The following RAB2A variants were observed in gnomAD, a reference collection of about 807,000 sequenced individuals.
RAB2A encodes ras-related protein Rab-2A.
Under a neutral mutation model 32.5 loss-of-function variants are expected in RAB2A, and 7 were observed. That is an observed-to-expected ratio of 0.22 (90% CI 0.12 to 0.40). RAB2A has a LOEUF of 0.40. Among genes scored for constraint, RAB2A ranks in the 10% least tolerant of loss-of-function variants. The pLI, the probability that RAB2A is intolerant of heterozygous loss-of-function variation, is 1.00. For synonymous variants in RAB2A, 79 were observed against 85.2 expected (o/e 0.93, Z 0.40); for missense variants, 108 against 260.7 (o/e 0.41, Z 4.03).
chr8:60,570,096 A>C (rs1808175648), intron 2 of RAB2A: 1 of 451,848 alleles, frequency 2.2e-6, no homozygotes. Flanking sequence ...TCAAGATATC[A>C]ATTCCAGAGA....
intron 6 of RAB2A, among the ~76,000 whole-genome samples, chr8:60,607,904 T>A (rs925862644): frequency 1.3e-5 from 2 of 152,216 alleles, no homozygotes; most frequent in African/African-American, 4.8e-5. Context: ...TCCCAGCATG[T>A]AATTAAGTTT....
intron 1 of RAB2A, among the ~76,000 whole-genome samples, chr8:60,523,163 C>CTTTT (rs71557794): frequency 1.4e-5 from 2 of 145,748 alleles, no homozygotes. Context: ...CATTCTTTTT[C>CTTTT]TTTTTTTTTT....
chr8:60,590,285 T>A (rs1473219149), intron 5 of RAB2A, among the ~76,000 whole-genome samples: 1 of 151,672 alleles, frequency 6.6e-6, no homozygotes, highest in Non-Finnish European at 1.5e-5. Flanking sequence ...TAAAAAAAAA[T>A]TCTGATTATT....
intron 2 of RAB2A, among the ~76,000 whole-genome samples, chr8:60,560,828 C>A (rs1185699998): frequency 1.3e-5 from 2 of 151,620 alleles, no homozygotes; most frequent in African/African-American, 4.8e-5. Flanking sequence ...CCAGTGTTGC[C>A]CAGAGAAGCC....
At chr8:60,570,200 G>GT (rs1297487789) in intron 2 of RAB2A, 5 of 299,542 alleles carry the variant, frequency 1.7e-5, no homozygotes, top group African/African-American at 4.5e-5. Flanking sequence ...GTTTGTAGTT[G>GT]TTTTTTGTTA....
At chr8:60,580,196 C>T (rs1803719453) in intron 3 of RAB2A, among the ~76,000 whole-genome samples, 2 of 149,460 alleles carry the variant, frequency 1.3e-5, no homozygotes, top group Non-Finnish European at 1.5e-5. Flanking sequence ...TGGGGTTTCA[C>T]CAGTTGGTCA....
At chr8:60,602,416 A>G (rs552466602) in intron 6 of RAB2A, among the ~76,000 whole-genome samples, 17 of 152,254 alleles carry the variant, frequency 1.1e-4, no homozygotes, top group Non-Finnish European at 2.5e-4. Context: ...TATCTAATAT[A>G]AAGTCTTAAT....
intron 6 of RAB2A, among the ~76,000 whole-genome samples, chr8:60,610,323 T>A (rs1322255887): frequency 3.3e-5 from 5 of 152,200 alleles, no homozygotes; most frequent in African/African-American, 1.2e-4. Context: ...CTAGGAAGAC[T>A]ACCAGTTTCA....
chr8:60,612,812 G>A (rs1315178775), intron 6 of RAB2A, among the ~76,000 whole-genome samples: 1 of 152,176 alleles, frequency 6.6e-6, no homozygotes. Context: ...CTCTACTTTG[G>A]AACTGGTGAT....
At chr8:60,526,864 G>A (rs1721718208) in intron 1 of RAB2A, among the ~76,000 whole-genome samples, 1 of 151,860 alleles carries the variant, frequency 6.6e-6, no homozygotes, top group Non-Finnish European at 1.5e-5. Context: ...AGCTACTTGG[G>A]AGGCTGAGAT....
intron 2 of RAB2A, among the ~76,000 whole-genome samples, chr8:60,566,537 T>C (rs945461239): frequency 6.6e-6 from 1 of 152,206 alleles, no homozygotes; most frequent in Non-Finnish European, 1.5e-5. Flanking sequence ...TTACATACAA[T>C]GTCCTAAATA....
chr8:60,520,421 G>A (rs1004131322), intron 1 of RAB2A, among the ~76,000 whole-genome samples: 3 of 152,172 alleles, frequency 2.0e-5, no homozygotes, highest in East Asian at 1.9e-4. Context: ...GAAAAAATAC[G>A]AATCTATAGT....
chr8:60,549,376 G>C (rs552849025), intron 1 of RAB2A, among the ~76,000 whole-genome samples: 2,275 of 152,298 alleles, frequency 0.015, 18 homozygotes, highest in Non-Finnish European at 0.024. Context: ...ACGAGACTCC[G>C]TCTGCAATCC....
At chr8:60,568,911 G>A (rs1044719717) in intron 2 of RAB2A, among the ~76,000 whole-genome samples, 4 of 152,226 alleles carry the variant, frequency 2.6e-5, no homozygotes, top group South Asian at 2.1e-4. Flanking sequence ...CTTTCTAAAT[G>A]GGATTCTCAA....
intron 1 of RAB2A, among the ~76,000 whole-genome samples, chr8:60,526,029 A>G (rs1484841586): frequency 4.3e-5 from 4 of 92,326 alleles, no homozygotes; most frequent in Non-Finnish European, 6.1e-5. Context: ...ACATATATAT[A>G]TATATATATA....
At chr8:60,579,919 G>A (rs1447809551) in intron 3 of RAB2A, among the ~76,000 whole-genome samples, 5 of 151,520 alleles carry the variant, frequency 3.3e-5, no homozygotes, top group African/African-American at 7.3e-5. Flanking sequence ...GAGCCACCGC[G>A]CCTGGCCCTA....
chr8:60,547,425 C>G (rs868247393), intron 1 of RAB2A, among the ~76,000 whole-genome samples: 2 of 152,188 alleles, frequency 1.3e-5, no homozygotes, highest in Non-Finnish European at 2.9e-5. Flanking sequence ...ACCTCCCAGA[C>G]GGGGTGGTGG....
intron 6 of RAB2A, among the ~76,000 whole-genome samples, chr8:60,602,912 C>T (rs547709231): frequency 6.6e-6 from 1 of 152,164 alleles, no homozygotes; most frequent in African/African-American, 2.4e-5. Flanking sequence ...CGGTTTAGCA[C>T]AGTGGGTAGA....
intron 5 of RAB2A, among the ~76,000 whole-genome samples, chr8:60,588,388 A>G (rs761459037): frequency 5.3e-5 from 8 of 152,228 alleles, no homozygotes; most frequent in Non-Finnish European, 8.8e-5. Flanking sequence ...ATGTACAAAT[A>G]TTCATACCAG....
Sources: gnomAD v4.1 joint callset for allele counts (sites outside exome capture counted in the v4.1 genomes callset) on GRCh38, gnomAD v4.1.1 for gene constraint, MANE v1.5 for transcripts, NCBI Gene and HGNC (gene_info 2026-07-23, HGNC 2026-07-21) for gene names.